Variants in CREBBP observed in about 807,000 individuals in gnomAD.
CREBBP encodes the protein CREB-binding protein.
A neutral mutation model predicts 265.0 loss-of-function variants in CREBBP; 19 were observed. That is an observed-to-expected ratio of 0.07 (90% CI 0.05 to 0.11). CREBBP has a LOEUF of 0.11. CREBBP is among the 10% of genes least tolerant of loss of function. The pLI, the probability that CREBBP is intolerant of heterozygous loss-of-function variation, is 1.00. For missense variants in CREBBP, 2,525 were observed against 3,219.0 expected, an observed-to-expected ratio of 0.78 and a Z score of 5.22; for synonymous variants, 1,457 against 1,223.7, an observed-to-expected ratio of 1.19 and a Z score of -3.98.
Position 3,731,401 on chromosome 16 carries a change from G to A in CREBBP, c.4963C>T (p.Leu1655=), listed in dbSNP as rs771588307. The A allele has an allele frequency of 6.2e-7, 1 of 1,610,014 alleles. No homozygotes were observed. Reference sequence around the variant, plus strand: ...CCATCCATGAGGTCACAGCTGAGCAGGGGGTCGGGGTCGACGATGGGGGGC... The same window carrying A: ...CCATCCATGAGGTCACAGCTGAGCAAGGGGTCGGGGTCGACGATGGGGGGC... ...TLPPIVDPDP[L]LSCDLMDGRD... is the part of the protein sequence containing the mutation. Residue 1655 remains leucine, a synonymous_variant, in exon 30 of 31, where the codon CTG becomes TTG. Transcript: ENST00000262367. This position sits in a 1 kb window ranked among gnomAD's most constrained non-coding sequence, Gnocchi z 7.7.
chr16:3,739,316 C>A (rs532498481), intron 25 of CREBBP: 19 of 514,916 alleles, frequency 3.7e-5, no homozygotes, highest in African/African-American at 3.4e-4. Flanking sequence ...CCCATCCCAA[C>A]TCCCCAGGTT....
chr16:3,826,986 T>C (rs2054249098), intron 2 of CREBBP, among the ~76,000 whole-genome samples: 1 of 152,122 alleles, frequency 6.6e-6, no homozygotes, highest in Non-Finnish European at 1.5e-5. Context: ...TCTGTAAATC[T>C]AAAACTGTTC....
rs570414563 is a variant in CREBBP at position 3,777,035 on chromosome 16, G to T, written c.2158+578C>A. Reference sequence around the variant, plus strand: ...TCTGTCTCAAAAAAATAAAAGAAAAGAAAATAAAGTAAAATAAAAAGCTAA... The same window carrying T: ...TCTGTCTCAAAAAAATAAAAGAAAATAAAATAAAGTAAAATAAAAAGCTAA... On this transcript the variant is annotated intron_variant, in intron 11 of 30. Transcript: ENST00000262367. Among the ~76,000 whole-genome samples, 109 of 142,890 alleles carry T rather than the reference G, an allele frequency of 7.6e-4. 1 individual carries two copies. The South Asian group carries it at 0.013, about 17-fold the overall frequency. 93.7% of individuals were successfully genotyped at this position (142,890 alleles called of 152,430 possible).
chr16:3,805,342 T>C (rs1477366700), intron 3 of CREBBP, among the ~76,000 whole-genome samples: 12 of 152,230 alleles, frequency 7.9e-5, no homozygotes, highest in Non-Finnish European at 8.8e-5. Context: ...GACACTGTTA[T>C]GGTAAAGAGA....
chr16:3,859,507 C>T (rs987712039), intron 1 of CREBBP, among the ~76,000 whole-genome samples: 87 of 152,214 alleles, frequency 5.7e-4, no homozygotes, highest in East Asian at 9.6e-4. Flanking sequence ...AATGTCTTTT[C>T]GTATGCTCAC....
intron 1 of CREBBP, among the ~76,000 whole-genome samples, chr16:3,860,440 A>ACTC (rs1387016415): frequency 1.3e-5 from 2 of 151,856 alleles, no homozygotes; most frequent in Non-Finnish European, 2.9e-5. Flanking sequence ...AAACTCCTAA[A>ACTC]CTCCTGGACT....
chr16:3,840,446 T>C (rs1349692631), intron 2 of CREBBP: 1 of 152,566 alleles, frequency 6.6e-6, no homozygotes, highest in Non-Finnish European at 1.5e-5. Flanking sequence ...TGGTCTACCT[T>C]GTGGCAATTT....
intron 5 of CREBBP, among the ~76,000 whole-genome samples, chr16:3,784,735 T>C (rs2053348352): frequency 6.6e-6 from 1 of 152,192 alleles, no homozygotes; most frequent in African/African-American, 2.4e-5. Context: ...ACTACATTTC[T>C]CTTTTATCCA....
rs2054766383 is a variant in CREBBP at position 3,849,444 on chromosome 16, T to TGTGTGTGTG, written c.798+844_798+852dup. Among the ~76,000 whole-genome samples the TGTGTGTGTG allele has an allele frequency of 3.0e-3, 75 of 24,870 alleles. 3 individuals are homozygous for TGTGTGTGTG. Among genetic ancestry groups the TGTGTGTGTG allele is most frequent in the East Asian group, 0.012 (5 of 408 alleles). 16.3% of individuals were successfully genotyped at this position (24,870 alleles called of 152,430 possible). ...GTGTGTGTGTGTGTGTGTGTGTGTG[T>TGTGTGTGTG]GTGTGTGTGTGTGTGTGTGTGTGTG... On this transcript the variant is annotated intron_variant, in intron 2 of 30. Transcript: ENST00000262367.
intron 11 of CREBBP, among the ~76,000 whole-genome samples, chr16:3,776,994 G>C (rs911313241): frequency 1.3e-5 from 2 of 150,428 alleles, no homozygotes; most frequent in African/African-American, 4.9e-5. Context: ...CTCCAGCCTG[G>C]GCAACAAAGT....
intron 1 of CREBBP, among the ~76,000 whole-genome samples, chr16:3,855,520 C>T (rs1412523452): frequency 2.0e-5 from 3 of 152,196 alleles, no homozygotes; most frequent in South Asian, 2.1e-4. Flanking sequence ...CCGCCTAAGC[C>T]TCCCAAAGTG....
At chr16:3,776,441 G>A (rs918462588) in intron 11 of CREBBP, among the ~76,000 whole-genome samples, 9 of 152,100 alleles carry the variant, frequency 5.9e-5, no homozygotes, top group Admixed American at 5.2e-4. Context: ...AACCTTTCAA[G>A]GTTGTTGAGA....
intron 1 of CREBBP, among the ~76,000 whole-genome samples, chr16:3,871,307 A>T (rs1397721915): frequency 6.6e-6 from 1 of 152,116 alleles, no homozygotes; most frequent in African/African-American, 2.4e-5. Flanking sequence ...GCTGGGACTC[A>T]CAGTCTACTC....
At chr16:3,821,905 C>T (rs1056666671) in intron 2 of CREBBP, among the ~76,000 whole-genome samples, 1 of 152,116 alleles carries the variant, frequency 6.6e-6, no homozygotes, top group African/African-American at 2.4e-5. Flanking sequence ...TGGCACACAC[C>T]TGTAGCCCCA....
At chr16:3,835,261 A>G (rs2054421740) in intron 2 of CREBBP, among the ~76,000 whole-genome samples, 2 of 150,896 alleles carry the variant, frequency 1.3e-5, no homozygotes, top group African/African-American at 4.9e-5. Context: ...AGGTACAGGG[A>G]TTTTTTTTTT....
chr16:3,767,456 G>A, intron 16 of CREBBP: 2 of 572,374 alleles, frequency 3.5e-6, no homozygotes, highest in South Asian at 2.1e-5. Context: ...GCCCCTGCCA[G>A]CACCATCAGA....
chr16:3,754,947 G>A (rs533709562), intron 19 of CREBBP, among the ~76,000 whole-genome samples: 2 of 152,118 alleles, frequency 1.3e-5, no homozygotes, highest in Non-Finnish European at 2.9e-5. Context: ...TACAGAATCA[G>A]GCCACTGCTT....
At chr16:3,832,540 C>T (rs1321498470) in intron 2 of CREBBP, among the ~76,000 whole-genome samples, 2 of 152,210 alleles carry the variant, frequency 1.3e-5, no homozygotes, top group Non-Finnish European at 2.9e-5. Flanking sequence ...CTACTACACA[C>T]CTAGGCTGTA....
At chr16:3,797,195 G>T (rs750926992) in intron 3 of CREBBP, among the ~76,000 whole-genome samples, 1 of 152,182 alleles carries the variant, frequency 6.6e-6, no homozygotes, top group African/African-American at 2.4e-5. Flanking sequence ...AGCCATCGTG[G>T]TGGAAGCTGC....
Sources: allele counts gnomAD v4.1 joint callset (sites outside exome capture counted in the v4.1 genomes callset), GRCh38; gene constraint gnomAD v4.1.1; non-coding constraint Gnocchi (gnomAD v3.1); transcripts MANE v1.5; gene names NCBI Gene and HGNC (gene_info 2026-07-23, HGNC 2026-07-21).